The following GRIN2A variants were observed in gnomAD, a reference collection of about 807,000 sequenced individuals.
GRIN2A encodes glutamate receptor ionotropic, NMDA 2A.
GRIN2A carries 22 observed loss-of-function variants against 113.4 expected under a neutral mutation model. That is an observed-to-expected ratio of 0.19 (90% CI 0.14 to 0.28). The LOEUF (loss-of-function observed/expected upper bound fraction) is 0.28. Ranked by LOEUF, GRIN2A falls within the 10% of genes least tolerant of loss-of-function variation. The pLI is 1.00. For synonymous variants in GRIN2A, 827 were observed against 738.4 expected (o/e 1.12, Z -1.94); for missense variants, 1,502 against 1,887.0 (o/e 0.80, Z 3.78).
intron 3 of GRIN2A, among the ~76,000 whole-genome samples, chr16:9,915,862 G>C (rs1381227384): frequency 6.6e-6 from 1 of 152,194 alleles, no homozygotes; most frequent in Non-Finnish European, 1.5e-5. Context: ...GTGAGAATTA[G>C]ATTGATTAAT....
intron 2 of GRIN2A, among the ~76,000 whole-genome samples, chr16:9,990,563 G>GCGCA (rs1446741885): frequency 2.4e-5 from 3 of 124,428 alleles, no homozygotes; most frequent in African/African-American, 6.3e-5. Flanking sequence ...GCGCGCGCGC[G>GCGCA]CACACACACA....
chr16:10,123,718 C>A (rs1233928293), intron 2 of GRIN2A, among the ~76,000 whole-genome samples: 1 of 152,146 alleles, frequency 6.6e-6, no homozygotes, highest in Non-Finnish European at 1.5e-5. Context: ...ATGGACCACA[C>A]TTTGAATGAT....
At chr16:9,826,538 A>G (rs2042390855) in intron 9 of GRIN2A, among the ~76,000 whole-genome samples, 1 of 152,156 alleles carries the variant, frequency 6.6e-6, no homozygotes, top group South Asian at 2.1e-4. Context: ...ACAAAAAAAC[A>G]AAAACAAAAA....
chr16:10,159,055 G>A (rs189175724), intron 2 of GRIN2A, among the ~76,000 whole-genome samples: 126 of 152,246 alleles, frequency 8.3e-4, no homozygotes, highest in South Asian at 1.7e-3. Context: ...CCTGAGTTCA[G>A]GGCCCAGCTC....
At chr16:9,904,997 A>G (rs1375842440) in intron 3 of GRIN2A, among the ~76,000 whole-genome samples, 1 of 152,214 alleles carries the variant, frequency 6.6e-6, no homozygotes, top group Non-Finnish European at 1.5e-5. Context: ...AAAACCATAA[A>G]TTATGGACCA....
rs543460071 is a variant in GRIN2A at position 9,835,565 on chromosome 16, G to C, written c.1652-1335C>G. ...ACATCTCCACCTGAATGTATCATGG[G>C]GAAGAAATTGCCTATAGACACCAAT... is the stretch of plus-strand genomic sequence containing the variant. On this transcript the variant is annotated intron_variant, in intron 7 of 12. Coordinates refer to ENST00000330684, the MANE Select transcript of GRIN2A (RefSeq NM_001134407.3). 1.2e-4 allele frequency among the ~76,000 whole-genome samples: 18 copies of C among 152,224 alleles called. No individual in the cohort carries two copies. In the South Asian group the frequency reaches 3.7e-3, roughly 32 times the overall value.
chr16:9,982,121 A>G (rs1391949170), intron 2 of GRIN2A, among the ~76,000 whole-genome samples: 2 of 152,054 alleles, frequency 1.3e-5, no homozygotes, highest in African/African-American at 4.8e-5. Flanking sequence ...TTTTTATTTC[A>G]TTGCATTTTT....
intron 2 of GRIN2A, among the ~76,000 whole-genome samples, chr16:10,110,532 G>C (rs1453442592): frequency 1.3e-5 from 2 of 152,234 alleles, no homozygotes; most frequent in South Asian, 2.1e-4. Context: ...AGTGATCCAG[G>C]GGAGTGATGG....
intron 4 of GRIN2A, among the ~76,000 whole-genome samples, chr16:9,857,170 T>C (rs541601570): frequency 5.3e-5 from 8 of 152,252 alleles, no homozygotes; most frequent in Non-Finnish European, 1.0e-4. Flanking sequence ...TAAGAAAGTG[T>C]CCTAGTCAAG....
chr16:9,755,923 T>G lies in GRIN2A; in HGVS notation c.*7226A>C, dbSNP rs1215819996. 4.7e-6 allele frequency: 1 copy of G among 214,534 alleles called. No individual in the cohort carries two copies. Among genetic ancestry groups the G allele is most frequent in the Non-Finnish European group, 9.4e-6 (1 of 106,080 alleles). 13.3% of individuals were successfully genotyped at this position (214,534 alleles called of 1,614,324 possible). On this transcript the variant is annotated 3_prime_UTR_variant, in exon 13 of 13. Transcript: ENST00000330684. ...ATTTTAATAGCTGGTCCTCAATCAT[T>G]CTGACTACCAAAGCTCTCCATCATT...
chr16:9,836,692 C>G (rs1281458957), intron 7 of GRIN2A, among the ~76,000 whole-genome samples: 1 of 152,198 alleles, frequency 6.6e-6, no homozygotes. Context: ...GGTTGCTATT[C>G]TAAGATACCA....
chr16:10,034,417 C>T (rs779221446), intron 2 of GRIN2A, among the ~76,000 whole-genome samples: 10 of 151,462 alleles, frequency 6.6e-5, no homozygotes, highest in Non-Finnish European at 7.4e-5. Flanking sequence ...CCCTGCTACT[C>T]GGGAGGCTGA....
At chr16:10,053,254 T>C (rs1175247696) in intron 2 of GRIN2A, among the ~76,000 whole-genome samples, 4 of 152,194 alleles carry the variant, frequency 2.6e-5, no homozygotes, top group Non-Finnish European at 5.9e-5. Context: ...TGTAGTTGAC[T>C]AGCAGAGGAT....
intron 2 of GRIN2A, among the ~76,000 whole-genome samples, chr16:10,106,591 G>A (rs1034967652): frequency 9.9e-5 from 15 of 152,004 alleles, no homozygotes; most frequent in Non-Finnish European, 2.1e-4. Context: ...TGAATCCCTG[G>A]TACCTGGAAG....
chr16:9,864,569 G>A (rs1400740489), intron 4 of GRIN2A, among the ~76,000 whole-genome samples: 2 of 152,170 alleles, frequency 1.3e-5, no homozygotes, highest in East Asian at 3.8e-4. Flanking sequence ...AACCTGACTT[G>A]AAGGATCTAA....
intron 2 of GRIN2A, among the ~76,000 whole-genome samples, chr16:10,022,530 T>C (rs542959742): frequency 1.3e-5 from 2 of 152,152 alleles, no homozygotes; most frequent in Non-Finnish European, 2.9e-5. Context: ...CCTACAACAT[T>C]TCATAAACAA....
intron 2 of GRIN2A, among the ~76,000 whole-genome samples, chr16:10,000,361 T>C (rs1263655083): frequency 8.0e-6 from 1 of 125,028 alleles, no homozygotes; most frequent in Admixed American, 7.3e-5. Context: ...GAAAGAAAGT[T>C]TTTTTTTCTC....
At chr16:10,052,624 C>G (rs73508618) in intron 2 of GRIN2A, among the ~76,000 whole-genome samples, 3,906 of 152,200 alleles carry the variant, frequency 0.026, 189 homozygotes, top group African/African-American at 0.09. Flanking sequence ...AAAGACCTCC[C>G]GGAAAATGTA....
chr16:10,107,782 C>T (rs2048527070), intron 2 of GRIN2A, among the ~76,000 whole-genome samples: 1 of 152,222 alleles, frequency 6.6e-6, no homozygotes, highest in African/African-American at 2.4e-5. Context: ...ACTCAACTCA[C>T]AGTTGCAGAT....
Sources: gnomAD v4.1 joint callset for allele counts (sites outside exome capture counted in the v4.1 genomes callset) on GRCh38, gnomAD v4.1.1 for gene constraint, MANE v1.5 for transcripts, NCBI Gene and HGNC (gene_info 2026-07-23, HGNC 2026-07-21) for gene names.